Variants in ACTR3C observed in about 807,000 individuals in gnomAD.
ACTR3C encodes the protein actin-related protein 3C.
ACTR3C carries 18 observed loss-of-function variants against 26.3 expected under a neutral mutation model. The ratio of observed to expected loss-of-function variants is 0.68; its 90% CI spans 0.47 to 1.01. ACTR3C has a LOEUF of 1.01. ACTR3C is among the 50% of genes least tolerant of loss of function. The pLI is 0.00. For synonymous variants in ACTR3C, 55 were observed against 94.5 expected (o/e 0.58, Z 2.42); for missense variants, 184 against 250.7 (o/e 0.73, Z 1.80).
intron 6 of ACTR3C, among the ~76,000 whole-genome samples, chr7:150,276,453 T>C (rs549117164): frequency 4.8e-4 from 73 of 152,302 alleles, no homozygotes; most frequent in African/African-American, 1.6e-3. Context: ...AAGTTTTACT[T>C]CCTTAGGAAC....
chr7:150,037,329 G>A, the ACTR3C span, among the ~76,000 whole-genome samples: 12 of 52,562 alleles, frequency 2.3e-4, no homozygotes, highest in South Asian at 3.6e-3. Flanking sequence ...GGGGTCCTAA[G>A]CCGGGGGGGG....
the ACTR3C span, among the ~76,000 whole-genome samples, chr7:150,201,515 A>C: frequency 3.3e-5 from 5 of 151,884 alleles, no homozygotes; most frequent in African/African-American, 1.2e-4. Flanking sequence ...TGGGAGGCTG[A>C]GGAGGGTGGA....
the ACTR3C span, among the ~76,000 whole-genome samples, chr7:150,104,343 G>A: frequency 6.6e-6 from 1 of 151,920 alleles, no homozygotes; most frequent in Non-Finnish European, 1.5e-5. Flanking sequence ...GGAGGAACTG[G>A]TTGCCTAATA....
the ACTR3C span, among the ~76,000 whole-genome samples, chr7:150,084,868 A>G: frequency 1.1e-4 from 17 of 152,272 alleles, no homozygotes; most frequent in African/African-American, 4.1e-4. Context: ...GAGTGACTTC[A>G]GAGATTCCAG....
the ACTR3C span, among the ~76,000 whole-genome samples, chr7:149,944,177 A>G: frequency 4.0e-5 from 6 of 151,708 alleles, no homozygotes; most frequent in Non-Finnish European, 7.3e-5. Context: ...GCTGTGGATC[A>G]GGTCCCATGC....
At chr7:150,028,429 A>G in the ACTR3C span, among the ~76,000 whole-genome samples, 6 of 152,300 alleles carry the variant, frequency 3.9e-5, no homozygotes, top group African/African-American at 9.6e-5. Flanking sequence ...TAATTTGACA[A>G]TTCTCATAGG....
At chr7:150,078,465 C>A in the ACTR3C span, among the ~76,000 whole-genome samples, 18,691 of 148,780 alleles carry the variant, frequency 0.13, 1,241 homozygotes, top group South Asian at 0.2. Flanking sequence ...AAATTAGCAT[C>A]TTTGTAGATC....
At chr7:150,040,956 G>C in the ACTR3C span, among the ~76,000 whole-genome samples, 2 of 150,340 alleles carry the variant, frequency 1.3e-5, no homozygotes, top group African/African-American at 2.5e-5. Context: ...TGCTGCCAAA[G>C]CCCTCAAATA....
chr7:150,180,663 C>T, the ACTR3C span, among the ~76,000 whole-genome samples: 5 of 149,056 alleles, frequency 3.4e-5, 1 homozygote, highest in African/African-American at 7.8e-5. Flanking sequence ...CAGGCGCGCG[C>T]CACCACGCCT....
the ACTR3C span, among the ~76,000 whole-genome samples, chr7:150,168,499 T>C: frequency 1.3e-5 from 2 of 150,876 alleles, no homozygotes; most frequent in Admixed American, 1.3e-4. Context: ...TGGTGAGTTG[T>C]ATAATTCTTT....
chr7:149,896,149 C>T, the ACTR3C span, among the ~76,000 whole-genome samples: 1 of 152,184 alleles, frequency 6.6e-6, no homozygotes, highest in South Asian at 2.1e-4. Context: ...CACGCCACCA[C>T]ACTCCAGCCT....
chr7:149,889,705 A>T, the ACTR3C span, among the ~76,000 whole-genome samples: 3 of 152,184 alleles, frequency 2.0e-5, no homozygotes, highest in Non-Finnish European at 4.4e-5. Flanking sequence ...AAAAATTTTT[A>T]AAAATTAGCC....
chr7:149,914,332 C>G, the ACTR3C span, among the ~76,000 whole-genome samples: 2 of 152,016 alleles, frequency 1.3e-5, no homozygotes, highest in African/African-American at 4.8e-5. Context: ...TGGCTCACAC[C>G]TGTAATCCTA....
At chr7:150,034,775 A>AG in the ACTR3C span, among the ~76,000 whole-genome samples, 1 of 124,244 alleles carries the variant, frequency 8.0e-6, no homozygotes, top group Non-Finnish European at 1.7e-5. Context: ...GCCCTAAGCC[A>AG]GGGGGGGAAG....
chr7:150,001,944 G>A, the ACTR3C span: 3 of 152,404 alleles, frequency 2.0e-5, no homozygotes, highest in South Asian at 6.2e-4. Context: ...TTGGAAACAT[G>A]CGAGAACCAA....
chr7:149,958,521 T>C, the ACTR3C span, among the ~76,000 whole-genome samples: 1 of 152,226 alleles, frequency 6.6e-6, no homozygotes, highest in African/African-American at 2.4e-5. Context: ...AAATAATGTC[T>C]TCATCCCAGA....
the ACTR3C span, among the ~76,000 whole-genome samples, chr7:149,979,231 G>A: frequency 4.6e-5 from 7 of 152,186 alleles, no homozygotes; most frequent in Non-Finnish European, 8.8e-5. Context: ...ATGTGTCATT[G>A]TGGCGAGCTG....
the ACTR3C span, among the ~76,000 whole-genome samples, chr7:149,945,211 A>T: frequency 6.6e-6 from 1 of 152,062 alleles, no homozygotes; most frequent in Admixed American, 6.5e-5. Flanking sequence ...ACTGGAGACC[A>T]GCTGCAGTCG....
At chr7:150,034,580 G>T in the ACTR3C span, among the ~76,000 whole-genome samples, 3 of 151,782 alleles carry the variant, frequency 2.0e-5, no homozygotes, top group South Asian at 2.1e-4. Context: ...CCTGCCTTCT[G>T]CCCTTAAGCT....
Sources: gnomAD v4.1 joint callset for allele counts (sites outside exome capture counted in the v4.1 genomes callset) on GRCh38, gnomAD v4.1.1 for gene constraint, MANE v1.5 for transcripts, NCBI Gene and HGNC (gene_info 2026-07-23, HGNC 2026-07-21) for gene names.